Variants in P2RY8 observed in about 807,000 individuals in gnomAD.
The protein encoded by P2RY8 is P2Y receptor family member 8.
In P2RY8, 6 loss-of-function variants were observed where a neutral mutation model predicts 10.0. That is an observed-to-expected ratio of 0.60 (90% confidence interval 0.33 to 1.19). The LOEUF is 1.19. Ranked by LOEUF, P2RY8 falls within the 50% of genes most tolerant of loss-of-function variation. P2RY8 has a pLI of 0.04. For synonymous variants in P2RY8, 276 were observed against 252.5 expected (o/e 1.09, Z -0.88); for missense variants, 456 against 542.0 (o/e 0.84, Z 1.58).
chrX:1,474,878 G>GTGGATGGA (rs1179994281), intron 1 of P2RY8, among the ~76,000 whole-genome samples: 15,549 of 132,864 alleles, frequency 0.12, 1,216 homozygotes, highest in Non-Finnish European at 0.17. Context: ...GTATGGGTGT[G>GTGGATGGA]TGGATGGATG....
At chrX:1,531,778 G>A (rs543338063) in intron 1 of P2RY8, among the ~76,000 whole-genome samples, 13 of 152,200 alleles carry the variant, frequency 8.5e-5, no homozygotes, top group Admixed American at 3.3e-4. Context: ...AGTCCTCAAG[G>A]TCCCAGCCCG....
intron 1 of P2RY8, among the ~76,000 whole-genome samples, chrX:1,496,749 G>A (rs758897405): frequency 2.2e-5 from 3 of 136,760 alleles, no homozygotes; most frequent in Non-Finnish European, 3.0e-5. Context: ...CCAGGTTGGA[G>A]TGCAGTAGCG....
At chrX:1,467,711 T>C (rs1347977065) in intron 1 of P2RY8, among the ~76,000 whole-genome samples, 1 of 152,234 alleles carries the variant, frequency 6.6e-6, no homozygotes, top group Non-Finnish European at 1.5e-5. Context: ...GGGTCTTGCC[T>C]TGTTGCCCAG....
chrX:1,470,837 A>ATT (rs1166098896), intron 1 of P2RY8, among the ~76,000 whole-genome samples: 2,401 of 129,512 alleles, frequency 0.019, 35 homozygotes, highest in African/African-American at 0.036. Flanking sequence ...GTTCTTTCTG[A>ATT]TTTTTTTTTT....
chrX:1,485,927 T>C (rs1159622878), intron 1 of P2RY8, among the ~76,000 whole-genome samples: 4 of 151,932 alleles, frequency 2.6e-5, no homozygotes, highest in South Asian at 2.1e-4. Flanking sequence ...TTAGAAAATG[T>C]ATAAAAAGGG....
In P2RY8 at chrX:1,465,485, C is replaced by G; in HGVS notation, c.1074G>C (p.Val358=). Residue 358 remains valine, a synonymous_variant, in exon 2 of 2, where the codon GTG becomes GTC. Transcript: ENST00000381297. ...CAAGCTGCGCCCCCGGGACTCAGAA[C>G]ACACTCTCCTGCCTCTGGAGGCCGG... is the stretch of plus-strand genomic sequence containing the variant. ...TRPGLQRQES[V]F The G allele has an allele frequency of 6.2e-7, 1 of 1,603,812 alleles. No homozygotes were observed. Among genetic ancestry groups the G allele is most frequent in the South Asian group, 1.1e-5 (1 of 90,570 alleles).
rs545321181 is a variant in P2RY8, at chrX:1,523,303, G to C, written c.-25+13618C>G. 1.4e-4 allele frequency among the ~76,000 whole-genome samples: 22 copies of C among 151,952 alleles called. 1 individual carries two copies. Among genetic ancestry groups the C allele is most frequent in the African/African-American group, 4.1e-4 (17 of 41,446 alleles). ...GGGATGTCAGCAGAGCTTTCTCAAA[G>C]GGTGTCACTTTAGTCCCTAAAATCT... is the stretch of plus-strand genomic sequence containing the variant. On this transcript the variant is annotated intron_variant, in intron 1 of 1. Transcript: ENST00000381297.
intron 1 of P2RY8, among the ~76,000 whole-genome samples, chrX:1,533,042 G>GAAA (rs1176580168): frequency 7.8e-6 from 1 of 128,026 alleles, no homozygotes; most frequent in African/African-American, 3.0e-5. Context: ...AAAGAAAAAA[G>GAAA]AAAAAAAAAG....
At chrX:1,521,546 C>T (rs1442098122) in intron 1 of P2RY8, among the ~76,000 whole-genome samples, 1 of 152,162 alleles carries the variant, frequency 6.6e-6, no homozygotes, top group African/African-American at 2.4e-5. Context: ...ACCCTGGCAT[C>T]AGCAGGAACC....
At chrX:1,508,705 T>TCCATCCATCCAC (rs1325992063) in intron 1 of P2RY8, among the ~76,000 whole-genome samples, 3 of 2,942 alleles carry the variant, frequency 1.0e-3, no homozygotes, top group Non-Finnish European at 2.1e-3. Flanking sequence ...ATCCATCCAT[T>TCCATCCATCCAC]CTATCTATCT....
chrX:1,506,145 A>C lies in P2RY8; in HGVS notation c.-25+30776T>G, dbSNP rs181888437. Among the ~76,000 whole-genome samples, 871 of 151,968 alleles carry C rather than the reference A, an allele frequency of 5.7e-3. 20 individuals carry two copies. The highest frequency in any genetic ancestry group is 0.052 in the East Asian group (268 of 5,122). ...GTAGCTGGGATTATAGGCACCCGCCACCACACCTGGCTAATTTTTGTATTT... is the reference window on the plus strand; with the variant it reads ...GTAGCTGGGATTATAGGCACCCGCCCCCACACCTGGCTAATTTTTGTATTT... On this transcript the variant is annotated intron_variant, in intron 1 of 1. Coordinates refer to ENST00000381297, the MANE Select transcript of P2RY8 (RefSeq NM_178129.5).
intron 1 of P2RY8, among the ~76,000 whole-genome samples, chrX:1,489,188 G>A (rs2092016775): frequency 6.6e-6 from 1 of 151,904 alleles, no homozygotes; most frequent in Non-Finnish European, 1.5e-5. Flanking sequence ...TGACACCCAG[G>A]ATTCACTTCG....
At chrX:1,516,701 C>A (rs1254934858) in intron 1 of P2RY8, among the ~76,000 whole-genome samples, 3 of 151,834 alleles carry the variant, frequency 2.0e-5, no homozygotes, top group Admixed American at 6.6e-5. Flanking sequence ...GTGTATAAGT[C>A]ACGCAGTCTA....
intron 1 of P2RY8, among the ~76,000 whole-genome samples, chrX:1,472,263 C>T (rs4300168): frequency 0.53 from 79,568 of 150,514 alleles, 21,203 homozygotes; most frequent in South Asian, 0.65. Flanking sequence ...AATTCACTGG[C>T]GTCCTTAGGA....
intron 1 of P2RY8, among the ~76,000 whole-genome samples, chrX:1,523,441 T>G (rs2092407342): frequency 6.6e-6 from 1 of 152,156 alleles, no homozygotes; most frequent in Non-Finnish European, 1.5e-5. Flanking sequence ...GCATAGAATT[T>G]TTGAGGTTCA....
At chrX:1,506,355 C>T (rs1216482347) in intron 1 of P2RY8, among the ~76,000 whole-genome samples, 1 of 152,096 alleles carries the variant, frequency 6.6e-6, no homozygotes, top group Non-Finnish European at 1.5e-5. Context: ...AGCCAGGAGG[C>T]TAATTGGGTA....
At chrX:1,469,716 C>A (rs1479455972) in intron 1 of P2RY8, among the ~76,000 whole-genome samples, 1 of 151,626 alleles carries the variant, frequency 6.6e-6, no homozygotes, top group Admixed American at 6.6e-5. Flanking sequence ...ACGGTGAAAC[C>A]CCATCTCTAC....
intron 1 of P2RY8, among the ~76,000 whole-genome samples, chrX:1,481,322 C>T (rs2149384582): frequency 6.6e-6 from 1 of 152,264 alleles, no homozygotes; most frequent in South Asian, 2.1e-4. Flanking sequence ...TGCCACCACG[C>T]CTGGCTAAGT....
intron 1 of P2RY8, among the ~76,000 whole-genome samples, chrX:1,498,470 C>T (rs1218395597): frequency 6.6e-6 from 1 of 150,890 alleles, no homozygotes; most frequent in Non-Finnish European, 1.5e-5. Flanking sequence ...TTGGTTACAG[C>T]CCACAAGAGG....
Sources: gnomAD v4.1 joint callset for allele counts (sites outside exome capture counted in the v4.1 genomes callset) on GRCh38, gnomAD v4.1.1 for gene constraint, MANE v1.5 for transcripts, NCBI Gene and HGNC (gene_info 2026-07-23, HGNC 2026-07-21) for gene names.